Variants in SLC24A2 observed in about 807,000 individuals in gnomAD.
SLC24A2 encodes solute carrier family 24 member 2, also known as sodium/potassium/calcium exchanger 2.
A neutral mutation model predicts 62.0 loss-of-function variants in SLC24A2; 36 were observed. The observed-to-expected ratio is 0.58, with a 90% CI of 0.44 to 0.77. The LOEUF (loss-of-function observed/expected upper bound fraction) is 0.77. SLC24A2 is among the 30% of genes least tolerant of loss of function. The pLI, the probability that SLC24A2 is intolerant of heterozygous loss-of-function variation, is 0.00. For missense variants in SLC24A2, 846 were observed against 817.9 expected (o/e 1.03, Z -0.42); for synonymous variants, 358 against 294.0 (o/e 1.22, Z -2.23).
chr9:19,915,767 T>C, the SLC24A2 span, among the ~76,000 whole-genome samples: 1 of 152,092 alleles, frequency 6.6e-6, no homozygotes, highest in African/African-American at 2.4e-5. Context: ...TCTTTGTCCA[T>C]CTTTTAATTG....
rs1308367713 is a variant in SLC24A2, at chr9:19,599,302, C to T, written c.1079-2023G>A. On this transcript the variant is annotated intron_variant, in intron 4 of 10. Transcript: ENST00000341998. This position sits in a 1 kb window ranked among gnomAD's most constrained non-coding sequence, Gnocchi z 4.5. ...TGGCAATGTCTAGATCGCTTCTTAG[C>T]TGCTTCCTTGGATATGATGAATGAG... is the stretch of plus-strand genomic sequence containing the variant. Among the ~76,000 whole-genome samples the T allele has an allele frequency of 1.3e-5, 2 of 152,156 alleles. No individual in the cohort carries two copies. Among genetic ancestry groups the T allele is most frequent in the African/African-American group, 4.8e-5 (2 of 41,440 alleles).
chr9:20,039,207 G>A, the SLC24A2 span, among the ~76,000 whole-genome samples: 4 of 152,144 alleles, frequency 2.6e-5, no homozygotes, highest in African/African-American at 9.7e-5. Context: ...CTGTGACCTT[G>A]ACAAAATCTC....
At chr9:20,278,563 G>A in the SLC24A2 span, among the ~76,000 whole-genome samples, 1 of 152,160 alleles carries the variant, frequency 6.6e-6, no homozygotes, top group South Asian at 2.1e-4. Context: ...TTCCCAACAT[G>A]TTCCTCATCT....
chr9:19,794,647 T>C, the SLC24A2 span, among the ~76,000 whole-genome samples: 1 of 151,040 alleles, frequency 6.6e-6, no homozygotes, highest in Non-Finnish European at 1.5e-5. Flanking sequence ...AAGTGGGGTC[T>C]GTCCATTTCA....
chr9:20,276,584 C>A, the SLC24A2 span, among the ~76,000 whole-genome samples: 1 of 152,212 alleles, frequency 6.6e-6, no homozygotes, highest in Non-Finnish European at 1.5e-5. Flanking sequence ...TGTCCCTCTT[C>A]TCACTGCTCC....
chr9:19,571,818 T>A (rs1835844683), intron 7 of SLC24A2, among the ~76,000 whole-genome samples: 1 of 152,092 alleles, frequency 6.6e-6, no homozygotes, highest in African/African-American at 2.4e-5. Flanking sequence ...GCACCAAAGG[T>A]GGTTCTGCCT....
chr9:19,710,584 G>A (rs1448827411), intron 2 of SLC24A2, among the ~76,000 whole-genome samples: 2 of 152,144 alleles, frequency 1.3e-5, no homozygotes, highest in Non-Finnish European at 2.9e-5. Context: ...CAAACTAAAA[G>A]TGCTAGGATA....
At chr9:20,262,522 GA>G in the SLC24A2 span, among the ~76,000 whole-genome samples, 1 of 152,168 alleles carries the variant, frequency 6.6e-6, no homozygotes, top group Non-Finnish European at 1.5e-5. Flanking sequence ...TGGCACCTCA[GA>G]GCTAACCATA....
At chr9:19,933,314 G>C in the SLC24A2 span, among the ~76,000 whole-genome samples, 1 of 152,138 alleles carries the variant, frequency 6.6e-6, no homozygotes, top group Non-Finnish European at 1.5e-5. Flanking sequence ...GGGATTCACA[G>C]GTGTCCTGTA....
At chr9:20,213,410 G>A in the SLC24A2 span, among the ~76,000 whole-genome samples, 1 of 148,848 alleles carries the variant, frequency 6.7e-6, no homozygotes, top group East Asian at 1.9e-4. Flanking sequence ...TTAAGTTTAA[G>A]AAGCCAGAAA....
At chr9:19,856,828 C>T in the SLC24A2 span, among the ~76,000 whole-genome samples, 8 of 152,272 alleles carry the variant, frequency 5.3e-5, no homozygotes, top group South Asian at 2.1e-4. Flanking sequence ...GGATCGGTTG[C>T]GCTGCACTGC....
chr9:19,786,535 TTC>T lies in SLC24A2; in HGVS notation c.330_331del (p.Asn111Ter). 6.2e-7 allele frequency: 1 copy of T among 1,614,218 alleles called. No homozygotes were observed. The highest frequency in any genetic ancestry group is 8.5e-7 in the Non-Finnish European group (1 of 1,180,032). On this transcript the variant is annotated frameshift_variant, in exon 2 of 11. Transcript: ENST00000341998. LOFTEE classifies it high-confidence loss of function. This position sits in a 1 kb window ranked among gnomAD's most constrained non-coding sequence, Gnocchi z 5.0. Reference sequence around the variant, plus strand: ...GTCTCCTTGGGCGTGATCTGTACTATTCTCAGACTCGCCTTCCTTAGAAAGAG... The same window carrying T: ...GTCTCCTTGGGCGTGATCTGTACTATTCAGACTCGCCTTCCTTAGAAAGAG...
At chr9:20,115,569 C>A in the SLC24A2 span, among the ~76,000 whole-genome samples, 2 of 152,100 alleles carry the variant, frequency 1.3e-5, no homozygotes, top group African/African-American at 4.8e-5. Context: ...GTACAATGAA[C>A]AGAAAGAAGA....
At chr9:19,686,015 A>G (rs1819870235) in intron 2 of SLC24A2, among the ~76,000 whole-genome samples, 1 of 152,136 alleles carries the variant, frequency 6.6e-6, no homozygotes, top group Non-Finnish European at 1.5e-5. Flanking sequence ...TCACAAACTA[A>G]GCATTCAACA....
chr9:19,972,591 C>T, the SLC24A2 span, among the ~76,000 whole-genome samples: 90 of 152,232 alleles, frequency 5.9e-4, 2 homozygotes, highest in South Asian at 0.018. Context: ...CGAGATGATA[C>T]AGAAATTAAA....
intron 6 of SLC24A2, 60 bp from the exon 7 acceptor site, chr9:19,573,529 C>CACACACAGAGAG (rs1390433234): frequency 1.5e-4 from 67 of 432,596 alleles, no homozygotes; most frequent in East Asian, 1.4e-3. Context: ...CACACACACA[C>CACACACAGAGAG]AGAGAGAGAG....
At chr9:20,184,507 C>G in the SLC24A2 span, among the ~76,000 whole-genome samples, 1 of 152,156 alleles carries the variant, frequency 6.6e-6, no homozygotes, top group Non-Finnish European at 1.5e-5. Flanking sequence ...TGAGATCACG[C>G]CACTGCACTC....
At chr9:19,804,162 A>T in the SLC24A2 span, among the ~76,000 whole-genome samples, 144 of 152,232 alleles carry the variant, frequency 9.5e-4, 1 homozygote, top group Non-Finnish European at 1.5e-3. Context: ...AGCCTGTGAG[A>T]GAGTCAGCTG....
At chr9:19,792,217 C>G (rs1001839085), upstream of SLC24A2, among the ~76,000 whole-genome samples, 4 of 152,168 alleles carry the variant, frequency 2.6e-5, no homozygotes, top group African/African-American at 7.2e-5. Flanking sequence ...ACAGTGTCTA[C>G]AATTCCACCA....
Sources: allele counts gnomAD v4.1 joint callset (sites outside exome capture counted in the v4.1 genomes callset), GRCh38; gene constraint gnomAD v4.1.1; non-coding constraint Gnocchi (gnomAD v3.1); transcripts MANE v1.5; gene names NCBI Gene and HGNC (gene_info 2026-07-23, HGNC 2026-07-21).